Variants in MPND observed in about 807,000 individuals in gnomAD.
MPND encodes MPN domain-containing protein.
Under a neutral mutation model 59.2 loss-of-function variants are expected in MPND, and 56 were observed. The ratio of observed to expected loss-of-function variants is 0.95; its 90% CI spans 0.76 to 1.18. MPND has a LOEUF of 1.18. MPND is among the 50% of genes most tolerant of loss of function. MPND has a pLI of 0.00. For synonymous variants in MPND, 323 were observed against 291.9 expected (o/e 1.11, Z -1.09); for missense variants, 671 against 676.0 (o/e 0.99, Z 0.08).
chr19:4,352,029 C>T (rs1351291249), intron 3 of MPND, among the ~76,000 whole-genome samples: 1 of 150,536 alleles, frequency 6.6e-6, no homozygotes, highest in Non-Finnish European at 1.5e-5. Context: ...AAAAATTAGC[C>T]AGGCATGGTG....
intron 3 of MPND, chr19:4,347,656 G>T: frequency 3.1e-6 from 1 of 320,750 alleles, no homozygotes; most frequent in Non-Finnish European, 6.0e-6. Flanking sequence ...AAGCTGTGAG[G>T]TTTTTAAACT....
In MPND at chr19:4,359,267, G is replaced by C. The variant is rs1320649100; in HGVS notation, c.1419+12G>C. On this transcript the variant is annotated intron_variant, in intron 12 of 12. Coordinates refer to ENST00000599840, the MANE Select transcript of MPND (RefSeq NM_001300862.2). ...TCGACAAGCTTAAGGTGAGCCCCAAGTCCCCGCAGACCTCCTAACGGGGCC... is the reference window on the plus strand; with the variant it reads ...TCGACAAGCTTAAGGTGAGCCCCAACTCCCCGCAGACCTCCTAACGGGGCC... The C allele has an allele frequency of 1.2e-6, 2 of 1,609,398 alleles. No individual in the cohort carries two copies. The highest frequency in any genetic ancestry group is 2.7e-5 in the African/African-American group (2 of 74,726).
At chr19:4,350,660 T>C (rs1362399340) in intron 3 of MPND, among the ~76,000 whole-genome samples, 3 of 151,738 alleles carry the variant, frequency 2.0e-5, no homozygotes, top group East Asian at 3.9e-4. Context: ...AATTGGGGGA[T>C]GTGGGAAGGG....
At chr19:4,350,057 G>T (rs922682614) in intron 3 of MPND, among the ~76,000 whole-genome samples, 1 of 151,954 alleles carries the variant, frequency 6.6e-6, no homozygotes, top group African/African-American at 2.4e-5. Flanking sequence ...CTGCCTTTGG[G>T]TGGGAGTTGT....
In MPND at chr19:4,359,346, C is replaced by T. The variant is rs1481929523; in HGVS notation, c.1419+91C>T. 3 of 923,836 alleles carry T rather than the reference C, an allele frequency of 3.2e-6. No individual in the cohort carries two copies. In the African/African-American group the frequency reaches 5.0e-5, roughly 15 times the overall value. The allele number at this position is 923,836 out of a possible 1,614,324, so 57.2% of individuals were successfully genotyped here. A position where few individuals can be genotyped will look rare whatever the true frequency, so the allele number is the denominator to read the frequency against. Reference sequence around the variant, plus strand: ...AGGTGGCAGCAATGAGCCCCGTGGGCCTCAGGGGCCTGAGACAGCCCAGCT... The same window carrying T: ...AGGTGGCAGCAATGAGCCCCGTGGGTCTCAGGGGCCTGAGACAGCCCAGCT... On this transcript the variant is annotated intron_variant, in intron 12 of 12. Transcript: ENST00000599840.
chr19:4,359,115 C>T, intron 11 of MPND, 48 bp from the exon 12 acceptor site: 1 of 1,383,100 alleles, frequency 7.2e-7, no homozygotes, highest in South Asian at 1.2e-5. Flanking sequence ...CGCTGAGGTA[C>T]CTCAGGCTTG....
rs1972115398 is a variant in MPND, at chr19:4,343,620, G to A, written c.7+20G>A. On this transcript the variant is annotated intron_variant, in intron 1 of 12. Coordinates refer to ENST00000599840, the MANE Select transcript of MPND (RefSeq NM_001300862.2). ...TGGCAGGTACGGCGGGCCCAGCGGGGCGGAGGCGCGGGGCGCGGGGCTGCA... is the reference window on the plus strand; with the variant it reads ...TGGCAGGTACGGCGGGCCCAGCGGGACGGAGGCGCGGGGCGCGGGGCTGCA... The A allele has an allele frequency of 1.1e-6, 1 of 924,854 alleles. No individual in the cohort carries two copies. The highest frequency in any genetic ancestry group is 4.7e-5 in the South Asian group (1 of 21,454). The allele number at this position is 924,854 out of a possible 1,614,324, so 57.3% of individuals were successfully genotyped here. A position where few individuals can be genotyped will look rare whatever the true frequency, so the allele number is the denominator to read the frequency against.
At position 4,355,085 on chromosome 19, in the gene MPND, C is replaced by T; in HGVS notation, c.920-12C>T. The T allele has an allele frequency of 6.2e-7, 1 of 1,613,862 alleles. No homozygotes were observed. The highest frequency in any genetic ancestry group is 2.2e-5 in the East Asian group (1 of 44,878). ...ACCGGGGTCACGGGGTCACAGCTGC[C>T]CCTCCCCACAGTGCTGACGGTGCTC... On this transcript the variant is annotated splice_polypyrimidine_tract_variant and intron_variant, in intron 7 of 12. Coordinates refer to ENST00000599840, the MANE Select transcript of MPND (RefSeq NM_001300862.2).
At chr19:4,355,314 T>C (rs1568399623) in intron 8 of MPND, 141 bp downstream of exon 8, 1 of 742,398 alleles carries the variant, frequency 1.3e-6, no homozygotes. Flanking sequence ...TGGGACCCCA[T>C]GGTGAAGGGT....
At chr19:4,355,293 G>A (rs1972412630) in intron 8 of MPND, 120 bp downstream of exon 8, 4 of 965,288 alleles carry the variant, frequency 4.1e-6, no homozygotes, top group Middle Eastern at 3.2e-4. Flanking sequence ...GAGCATGCCC[G>A]TCTGTGTGCT....
At position 4,357,304 on chromosome 19, in the gene MPND, AGC is replaced by A. The variant is rs1333929007; in HGVS notation, c.1049_1050del (p.Ser350ThrfsTer67). 1.7e-5 allele frequency: 28 copies of A among 1,612,726 alleles called. No homozygotes were observed. The highest frequency in any genetic ancestry group is 2.4e-5 in the Non-Finnish European group (28 of 1,179,818). On this transcript the variant is annotated frameshift_variant, in exon 9 of 13. Transcript: ENST00000599840. LOFTEE classifies it high-confidence loss of function. ...RGLSLVGWYH[S>X]HPHSPALPSL... ...CCTGTCCCTGGTGGGCTGGTACCACAGCCACCCACACAGCCCGGCGCTGCCAT... is the reference window on the plus strand; with the variant it reads ...CCTGTCCCTGGTGGGCTGGTACCACACACCCACACAGCCCGGCGCTGCCAT...
chr19:4,353,707 G>A (rs1343614525), intron 4 of MPND: 4 of 258,490 alleles, frequency 1.5e-5, no homozygotes, highest in African/African-American at 6.7e-5. Context: ...GACCACAGGT[G>A]TGCACCACCA....
In MPND at chr19:4,357,168, GA is replaced by G. The variant is rs566472525; in HGVS notation, c.997-83del. 431 of 1,434,860 alleles carry G rather than the reference GA, an allele frequency of 3.0e-4. 1 individual carries two copies. In the African/African-American group the frequency reaches 3.6e-3, roughly 12 times the overall value. 88.9% of individuals were successfully genotyped at this position (1,434,860 alleles called of 1,614,324 possible). ...TGTCCCCAGGCCTGATACACAGCAGGAATTCGTTCAGGGCTGGCCAGCCACA... is the reference window on the plus strand; with the variant it reads ...TGTCCCCAGGCCTGATACACAGCAGGATTCGTTCAGGGCTGGCCAGCCACA... On this transcript the variant is annotated intron_variant, in intron 8 of 12. Coordinates refer to ENST00000599840, the MANE Select transcript of MPND (RefSeq NM_001300862.2).
At chr19:4,344,052 C>T in intron 2 of MPND, 58 bp downstream of exon 2, 1 of 1,175,914 alleles carries the variant, frequency 8.5e-7, no homozygotes, top group Non-Finnish European at 1.1e-6. Flanking sequence ...GAAACTGAGG[C>T]CTGGAGTTCC....
intron 8 of MPND, chr19:4,356,644 T>G (rs564720150): frequency 6.6e-6 from 1 of 151,982 alleles, no homozygotes; most frequent in East Asian, 1.9e-4. Flanking sequence ...TTCTTTTTTT[T>G]TTTTCCTTTT....
chr19:4,344,159 G>A lies in MPND; in HGVS notation c.294+165G>A, dbSNP rs564199724. 2.7e-4 allele frequency among the ~76,000 whole-genome samples: 40 copies of A among 150,814 alleles called. No individual in the cohort carries two copies. The South Asian group carries it at 6.7e-3, about 25-fold the overall frequency. On this transcript the variant is annotated intron_variant, in intron 2 of 12. Transcript: ENST00000599840. ...CCCGGTGTGGCGAGGGGAAACTGAG[G>A]CCCGGGGCTCCGTTGACTGCAGGAA...
In MPND at chr19:4,359,979, G is replaced by C. The variant is rs368152281; in HGVS notation, c.1483G>C (p.Gly495Arg). The C allele has an allele frequency of 2.0e-5, 31 of 1,568,322 alleles. No homozygotes were observed. The highest frequency in any genetic ancestry group is 2.6e-5 in the Non-Finnish European group (30 of 1,156,272). ...GTGTCACGTCCTGGAACAGGTGTGC[G>C]GCGTCCTCAAGCAGGGGAGCTGAGC... The part of the protein sequence containing the change: ...SLCHVLEQVC[G>R]VLKQGS Residue 495 changes from glycine (G) to arginine (R), a missense_variant, in exon 13 of 13, where the codon GGC becomes CGC. Gly to Arg is a moderately radical substitution (Grantham distance 125, BLOSUM62 -2). Coordinates refer to ENST00000599840, the MANE Select transcript of MPND (RefSeq NM_001300862.2).
Position 4,345,889 on chromosome 19 carries a change from T to A in MPND, c.439T>A (p.Ser147Thr). The change falls in exon 3 of 13, where the codon TCT becomes ACT. Residue 147 changes from serine (S) to threonine (T), a missense_variant. Transcript: ENST00000599840. ...PAKKSGCGWA[S>T]VKYKGQKLDK... Reference sequence around the variant, plus strand: ...CAAGAAGTCGGGCTGTGGCTGGGCCTCTGTCAAGTACAAAGGCCAGAAACT... The same window carrying A: ...CAAGAAGTCGGGCTGTGGCTGGGCCACTGTCAAGTACAAAGGCCAGAAACT... 6.2e-7 allele frequency: 1 copy of A among 1,613,974 alleles called. No individual in the cohort carries two copies. Among genetic ancestry groups the A allele is most frequent in the Non-Finnish European group, 8.5e-7 (1 of 1,180,024 alleles).
intron 3 of MPND, 51 bp downstream of exon 3, chr19:4,346,032 G>A (rs1972180109): frequency 1.3e-6 from 2 of 1,493,436 alleles, no homozygotes; most frequent in Non-Finnish European, 1.8e-6. Flanking sequence ...TGTGGAATGA[G>A]GGGTGCCCAG....
Sources: allele counts gnomAD v4.1 joint callset (sites outside exome capture counted in the v4.1 genomes callset), GRCh38; gene constraint gnomAD v4.1.1; transcripts MANE v1.5; gene names NCBI Gene and HGNC (gene_info 2026-07-23, HGNC 2026-07-21).